The following TLN2 variants were observed in gnomAD, a reference collection of about 807,000 sequenced individuals.
TLN2 encodes talin 2.
In TLN2, 118 loss-of-function variants were observed where a neutral mutation model predicts 294.7. The ratio of observed to expected loss-of-function variants is 0.40; its 90% CI spans 0.34 to 0.47. The LOEUF (loss-of-function observed/expected upper bound fraction) is 0.47. TLN2 is among the 20% of genes least tolerant of loss of function. The pLI is 0.84. For missense variants in TLN2, 3,083 were observed against 3,282.2 expected, an observed-to-expected ratio of 0.94 and a Z score of 1.48; for synonymous variants, 1,431 against 1,304.5, an observed-to-expected ratio of 1.10 and a Z score of -2.09.
chr15:62,491,999 A>T (rs998776311), intron 1 of TLN2, among the ~76,000 whole-genome samples: 6 of 152,118 alleles, frequency 3.9e-5, no homozygotes, highest in African/African-American at 1.4e-4. Flanking sequence ...TTTTTCTCTC[A>T]ATTTCTGGTA....
At chr15:62,755,471 C>T (rs553012391) in intron 36 of TLN2, 61 bp from the exon 37 acceptor site, 182 of 1,556,618 alleles carry the variant, frequency 1.2e-4, no homozygotes, top group Admixed American at 3.5e-4. Flanking sequence ...GGCTGAGGAC[C>T]GGGGTGGACC....
intron 2 of TLN2, among the ~76,000 whole-genome samples, chr15:62,605,626 C>A (rs183085804): frequency 7.0e-6 from 1 of 143,602 alleles, no homozygotes; most frequent in Non-Finnish European, 1.5e-5. Context: ...ACTTGACCTG[C>A]CAGCTCAGAA....
intron 1 of TLN2, among the ~76,000 whole-genome samples, chr15:62,508,560 G>T (rs2039759076): frequency 6.6e-6 from 1 of 152,166 alleles, no homozygotes; most frequent in African/African-American, 2.4e-5. Flanking sequence ...ATTTCGAAAA[G>T]ATCTGGACAG....
rs1262140430 is a variant in TLN2 at position 62,647,369 on chromosome 15, A to G, written c.59A>G (p.Gln20Arg). Residue 20 changes from glutamine (Q) to arginine (R), a missense_variant, in exon 4 of 59, where the codon CAG becomes CGG. Physicochemically the swap from Gln to Arg is conservative, Grantham distance 43. Coordinates refer to ENST00000636159, the MANE Select transcript of TLN2 (RefSeq NM_015059.3). ...VRHCNVVKTM[Q>R]FEPSTAVYDA... ...CACTGCAACGTGGTGAAGACCATGC[A>G]GTTTGAACCATCTACAGCTGTGTAC... The G allele has an allele frequency of 1.2e-6, 2 of 1,614,234 alleles. No individual in the cohort carries two copies. Among genetic ancestry groups the G allele is most frequent in the Non-Finnish European group, 8.5e-7 (1 of 1,180,034 alleles).
At chr15:62,510,879 C>A (rs1407689105) in intron 1 of TLN2, among the ~76,000 whole-genome samples, 1 of 152,250 alleles carries the variant, frequency 6.6e-6, no homozygotes, top group Non-Finnish European at 1.5e-5. Flanking sequence ...ATACCACATG[C>A]TCTTCCTAAG....
chr15:62,541,937 T>A (rs1240526971), intron 1 of TLN2, among the ~76,000 whole-genome samples: 1 of 151,602 alleles, frequency 6.6e-6, no homozygotes, highest in Non-Finnish European at 1.5e-5. Flanking sequence ...TATTGTGGAT[T>A]ATTTGTGAAC....
At chr15:62,825,811 T>TAC (rs1157721980) in intron 54 of TLN2, among the ~76,000 whole-genome samples, 1 of 9,574 alleles carries the variant, frequency 1.0e-4, no homozygotes, top group East Asian at 4.6e-3. Flanking sequence ...TTATATATTA[T>TAC]ATTATAATAT....
intron 1 of TLN2, among the ~76,000 whole-genome samples, chr15:62,414,494 A>T (rs1299885707): frequency 7.2e-6 from 1 of 139,726 alleles, no homozygotes; most frequent in African/African-American, 2.5e-5. Flanking sequence ...TACAAATGCA[A>T]ATTCTCCAAC....
intron 1 of TLN2, among the ~76,000 whole-genome samples, chr15:62,423,456 T>A (rs996585652): frequency 3.3e-5 from 5 of 152,136 alleles, no homozygotes; most frequent in African/African-American, 1.2e-4. Flanking sequence ...CCAGCACCTA[T>A]CCCTGTACCT....
intron 9 of TLN2, 94 bp downstream of exon 9, chr15:62,657,992 C>G: frequency 8.3e-7 from 1 of 1,205,930 alleles, no homozygotes; most frequent in Non-Finnish European, 1.1e-6. Flanking sequence ...AGATCATACC[C>G]TAATTTCAAT....
chr15:62,809,360 A>G (rs997788488), intron 51 of TLN2, among the ~76,000 whole-genome samples: 1 of 152,192 alleles, frequency 6.6e-6, no homozygotes, highest in East Asian at 1.9e-4. Flanking sequence ...GTATAATATG[A>G]GATGAGTTAT....
chr15:62,643,693 G>A (rs1017312607), intron 3 of TLN2, among the ~76,000 whole-genome samples: 2 of 152,036 alleles, frequency 1.3e-5, no homozygotes, highest in African/African-American at 4.8e-5. Flanking sequence ...GTTACCTCCT[G>A]CTCTCTGAAG....
At chr15:62,575,987 G>A (rs2044361341) in intron 1 of TLN2, among the ~76,000 whole-genome samples, 1 of 152,136 alleles carries the variant, frequency 6.6e-6, no homozygotes, top group African/African-American at 2.4e-5. Context: ...GTTAAAAATA[G>A]GAATTGGGAA....
chr15:62,656,206 C>T, intron 8 of TLN2, 120 bp downstream of exon 8: 1 of 1,296,938 alleles, frequency 7.7e-7, no homozygotes, highest in South Asian at 1.4e-5. Context: ...TCGTTTCCAG[C>T]AGGCGCTGCT....
intron 3 of TLN2, among the ~76,000 whole-genome samples, chr15:62,633,985 T>C (rs530443331): frequency 3.3e-5 from 5 of 152,314 alleles, no homozygotes; most frequent in African/African-American, 1.2e-4. Context: ...TGTATCTGTG[T>C]CCAAATTTCT....
intron 55 of TLN2, chr15:62,835,258 G>A (rs758570170): frequency 1.1e-5 from 2 of 179,072 alleles, no homozygotes; most frequent in Non-Finnish European, 2.4e-5. Context: ...GCACTCAATT[G>A]TACCAGAGGG....
intron 46 of TLN2, among the ~76,000 whole-genome samples, chr15:62,793,674 A>C (rs2065241152): frequency 6.6e-6 from 1 of 152,004 alleles, no homozygotes. Context: ...CTCCCCCAGT[A>C]TGCGAGTCTT....
chr15:62,554,047 A>G (rs180730493), intron 1 of TLN2, among the ~76,000 whole-genome samples: 10 of 152,084 alleles, frequency 6.6e-5, no homozygotes, highest in African/African-American at 2.2e-4. Context: ...CAAGGACTCA[A>G]TTTTCAGGTA....
intron 1 of TLN2, among the ~76,000 whole-genome samples, chr15:62,451,873 C>T (rs2036174386): frequency 1.3e-5 from 2 of 152,190 alleles, no homozygotes; most frequent in African/African-American, 4.8e-5. Flanking sequence ...TTGTGTCAAA[C>T]ACCCTCCAAG....
Sources: gnomAD v4.1 joint callset for allele counts (sites outside exome capture counted in the v4.1 genomes callset) on GRCh38, gnomAD v4.1.1 for gene constraint, MANE v1.5 for transcripts, NCBI Gene and HGNC (gene_info 2026-07-23, HGNC 2026-07-21) for gene names.